Variants in SLC25A28 observed in about 807,000 individuals in gnomAD.
SLC25A28 encodes solute carrier family 25 member 28.
A neutral mutation model predicts 31.9 loss-of-function variants in SLC25A28; 10 were observed. That is an observed-to-expected ratio of 0.31 (90% CI 0.19 to 0.53). SLC25A28 has a LOEUF of 0.53. SLC25A28 is among the 20% of genes least tolerant of loss of function. SLC25A28 has a pLI of 0.95. For missense variants in SLC25A28, 256 were observed against 490.3 expected (o/e 0.52, Z 4.51); for synonymous variants, 208 against 203.6 (o/e 1.02, Z -0.19).
At chr10:99,620,571 T>G, upstream of SLC25A28, 4 of 1,012,902 alleles carry the variant, frequency 3.9e-6, no homozygotes, top group Non-Finnish European at 3.5e-6. Context: ...TCGCCTGTCA[T>G]TCCTCCGCCC....
chr10:99,620,875 C>A (rs975992330), upstream of SLC25A28: 3 of 985,356 alleles, frequency 3.0e-6, no homozygotes, highest in Non-Finnish European at 3.6e-6. Flanking sequence ...GGTCCCTGTG[C>A]GCGGGATCGC....
At chr10:99,615,534 G>A in intron 1 of SLC25A28, 1 of 985,276 alleles carries the variant, frequency 1.0e-6, no homozygotes, top group Non-Finnish European at 1.2e-6. Context: ...CAAAAAACCG[G>A]AAGCTTAAAA....
the SLC25A28 span, among the ~76,000 whole-genome samples, chr10:99,627,142 G>A: frequency 6.6e-6 from 1 of 152,146 alleles, no homozygotes; most frequent in Non-Finnish European, 1.5e-5. Context: ...TTGGGAGGCT[G>A]AGGCATGAGA....
At chr10:99,653,997 G>A in the SLC25A28 span, 2 of 152,248 alleles carry the variant, frequency 1.3e-5, no homozygotes, top group Non-Finnish European at 2.9e-5. Flanking sequence ...GGTAACATTT[G>A]AGCTGAGTTT....
the SLC25A28 span, among the ~76,000 whole-genome samples, chr10:99,648,902 A>C: frequency 3.3e-5 from 5 of 152,294 alleles, no homozygotes; most frequent in African/African-American, 1.2e-4. Flanking sequence ...ATCATCAGCA[A>C]ACAGGAATAA....
the SLC25A28 span, among the ~76,000 whole-genome samples, chr10:99,654,616 A>G: frequency 6.6e-6 from 1 of 152,044 alleles, no homozygotes; most frequent in Non-Finnish European, 1.5e-5. Flanking sequence ...AGATTGCACC[A>G]CCACACTCCA....
At chr10:99,620,635 T>C (rs2034770431), upstream of SLC25A28, 1 of 993,520 alleles carries the variant, frequency 1.0e-6, no homozygotes, top group African/African-American at 1.7e-5. Flanking sequence ...CTTAGAAGCT[T>C]CTTGTTTATT....
At chr10:99,633,502 C>A in the SLC25A28 span, among the ~76,000 whole-genome samples, 1 of 152,058 alleles carries the variant, frequency 6.6e-6, no homozygotes, top group Non-Finnish European at 1.5e-5. Flanking sequence ...TCGAGACCAG[C>A]CTGGCCAACA....
At chr10:99,648,368 A>T in the SLC25A28 span, among the ~76,000 whole-genome samples, 3 of 152,144 alleles carry the variant, frequency 2.0e-5, no homozygotes, top group Non-Finnish European at 4.4e-5. Flanking sequence ...CTTGTAGTAT[A>T]ATTCAAAGTG....
At chr10:99,633,070 C>T in the SLC25A28 span, among the ~76,000 whole-genome samples, 3 of 152,046 alleles carry the variant, frequency 2.0e-5, no homozygotes, top group Non-Finnish European at 4.4e-5. Context: ...ATACTTTATA[C>T]ATATGGGATG....
At chr10:99,630,276 G>A in the SLC25A28 span, among the ~76,000 whole-genome samples, 10 of 151,962 alleles carry the variant, frequency 6.6e-5, no homozygotes, top group Non-Finnish European at 2.9e-5. Flanking sequence ...TTAACGATGC[G>A]CACCACCACC....
the SLC25A28 span, among the ~76,000 whole-genome samples, chr10:99,656,855 G>T: frequency 3.3e-5 from 5 of 152,188 alleles, no homozygotes; most frequent in Non-Finnish European, 4.4e-5. Context: ...AATACTCTCA[G>T]TGCTTTTTAA....
the SLC25A28 span, among the ~76,000 whole-genome samples, chr10:99,639,643 GC>G: frequency 6.8e-6 from 1 of 147,766 alleles, no homozygotes; most frequent in Non-Finnish European, 1.5e-5. Flanking sequence ...TTGACTCCCT[GC>G]CCCCCCATCC....
rs777994494 is a variant in SLC25A28, at chr10:99,613,795, C to T, written c.421G>A (p.Ala141Thr). ...MRGLNVTATG[A>T]GPAHALYFAC... ...AAATAAAGGGCGTGGGCAGGCCCTG[C>T]GCCTGTTGCTGTGACGTTCAGCCCC... is the stretch of plus-strand genomic sequence containing the variant. The change falls in exon 2 of 4, where the codon GCA becomes ACA. Residue 141 changes from alanine (A) to threonine (T), a missense_variant. Physicochemically the swap from Ala to Thr is moderately conservative, Grantham distance 58. Coordinates refer to ENST00000370495, the MANE Select transcript of SLC25A28 (RefSeq NM_031212.4). The surrounding 1 kb of genome is among the most constrained non-coding windows in gnomAD (Gnocchi z 4.9). 7 of 1,614,224 alleles carry T rather than the reference C, an allele frequency of 4.3e-6. No individual in the cohort carries two copies. The highest frequency in any genetic ancestry group is 5.9e-6 in the Non-Finnish European group (7 of 1,180,042).
At chr10:99,633,461 T>A in the SLC25A28 span, among the ~76,000 whole-genome samples, 3 of 151,882 alleles carry the variant, frequency 2.0e-5, no homozygotes, top group Non-Finnish European at 4.4e-5. Flanking sequence ...TTTGGGAGGC[T>A]GAGGCAGGTG....
chr10:99,629,911 C>A, the SLC25A28 span, among the ~76,000 whole-genome samples: 1 of 152,144 alleles, frequency 6.6e-6, no homozygotes, highest in Non-Finnish European at 1.5e-5. Flanking sequence ...CAGTGGCTCA[C>A]GCCTGTAATC....
At chr10:99,624,480 G>A (rs2034849251), upstream of SLC25A28, among the ~76,000 whole-genome samples, 1 of 152,150 alleles carries the variant, frequency 6.6e-6, no homozygotes, top group Admixed American at 6.5e-5. Flanking sequence ...CACCTAACCT[G>A]CACACAAACC....
At chr10:99,620,722 TTG>T, upstream of SLC25A28, 6 of 985,676 alleles carry the variant, frequency 6.1e-6, no homozygotes, top group Non-Finnish European at 6.0e-6. Flanking sequence ...AGGCTGAACT[TTG>T]ATAGGCTCAA....
In SLC25A28 at chr10:99,613,263, T is replaced by G. The variant is rs969092745; in HGVS notation, c.520+433A>C. The stretch of plus-strand genomic sequence containing the variant: ...TCAACACAAACTGCCTCTGGTGAGT[T>G]GGGATCCTGAAAAGGTGAGGCAAAA... On this transcript the variant is annotated intron_variant, in intron 2 of 3. Coordinates refer to ENST00000370495, the MANE Select transcript of SLC25A28 (RefSeq NM_031212.4). This position sits in a 1 kb window ranked among gnomAD's most constrained non-coding sequence, Gnocchi z 4.9. 1.3e-5 allele frequency among the ~76,000 whole-genome samples: 2 copies of G among 152,158 alleles called. No individual in the cohort carries two copies. Among genetic ancestry groups the G allele is most frequent in the African/African-American group, 2.4e-5 (1 of 41,432 alleles).
Sources: gnomAD v4.1 joint callset for allele counts (sites outside exome capture counted in the v4.1 genomes callset) on GRCh38, gnomAD v4.1.1 for gene constraint, Gnocchi (gnomAD v3.1) non-coding constraint, MANE v1.5 for transcripts, NCBI Gene and HGNC (gene_info 2026-07-23, HGNC 2026-07-21) for gene names.